MGMT: variants seen among roughly 807,000 people sequenced by gnomAD.
The protein encoded by MGMT is methylated-DNA--protein-cysteine methyltransferase.
MGMT carries 14 observed loss-of-function variants against 15.9 expected under a neutral mutation model. The observed-to-expected ratio is 0.88, with a 90% CI of 0.58 to 1.37. The LOEUF is 1.37. Among genes scored for constraint, MGMT ranks in the 40% most tolerant of loss-of-function variants. The pLI is 0.00. For synonymous variants in MGMT, 130 were observed against 118.2 expected (o/e 1.10, Z -0.65); for missense variants, 282 against 268.1 (o/e 1.05, Z -0.36).
At chr10:129,750,283 A>G (rs1181590983) in intron 3 of MGMT, among the ~76,000 whole-genome samples, 1 of 152,094 alleles carries the variant, frequency 6.6e-6, no homozygotes, top group Non-Finnish European at 1.5e-5. Flanking sequence ...TTCATTTTTG[A>G]GAAAGGTATA....
intron 1 of MGMT, among the ~76,000 whole-genome samples, chr10:129,525,025 C>CA (rs1414786725): frequency 6.6e-6 from 1 of 152,110 alleles, no homozygotes; most frequent in Non-Finnish European, 1.5e-5. Flanking sequence ...AACATTGTTC[C>CA]AAAGTGCTTT....
intron 2 of MGMT, among the ~76,000 whole-genome samples, chr10:129,639,787 A>G (rs969239137): frequency 1.3e-5 from 2 of 152,178 alleles, no homozygotes; most frequent in Non-Finnish European, 2.9e-5. Flanking sequence ...AAGTAAGAGC[A>G]AGTCAAACCC....
chr10:129,759,125 T>G (rs1848840517), intron 3 of MGMT, 77 bp from the exon 4 acceptor site: 1 of 1,553,536 alleles, frequency 6.4e-7, no homozygotes, highest in Non-Finnish European at 8.8e-7. Flanking sequence ...TTTCCTGTTT[T>G]GGGACTAGTG....
chr10:129,755,627 C>A (rs904618780), intron 3 of MGMT, among the ~76,000 whole-genome samples: 1 of 152,230 alleles, frequency 6.6e-6, no homozygotes, highest in Non-Finnish European at 1.5e-5. Context: ...AAAGGAGACT[C>A]CTCCTCAAGA....
intron 1 of MGMT, among the ~76,000 whole-genome samples, chr10:129,526,413 A>AG (rs1358102596): frequency 6.6e-6 from 1 of 152,068 alleles, no homozygotes; most frequent in Non-Finnish European, 1.5e-5. Flanking sequence ...TTCCTCCCCC[A>AG]GGTGAGCCAA....
At chr10:129,599,411 T>TG (rs1229821701) in intron 2 of MGMT, among the ~76,000 whole-genome samples, 1 of 152,244 alleles carries the variant, frequency 6.6e-6, no homozygotes, top group Non-Finnish European at 1.5e-5. Context: ...CAAATGTGCT[T>TG]GAAGTTTCAA....
intron 2 of MGMT, among the ~76,000 whole-genome samples, chr10:129,689,647 G>A (rs1847948103): frequency 6.6e-6 from 1 of 152,156 alleles, no homozygotes; most frequent in Non-Finnish European, 1.5e-5. Context: ...GGTCGATTGT[G>A]CCAGCTCTTA....
chr10:129,564,627 G>T (rs1457602913), intron 2 of MGMT, among the ~76,000 whole-genome samples: 1 of 19,892 alleles, frequency 5.0e-5, no homozygotes, highest in African/African-American at 1.5e-4. Context: ...CTCCTCCCCT[G>T]CTTCCCCTCC....
intron 1 of MGMT, among the ~76,000 whole-genome samples, chr10:129,488,433 A>G (rs868011038): frequency 6.6e-5 from 10 of 152,174 alleles, no homozygotes; most frequent in Admixed American, 3.3e-4. Flanking sequence ...ATTAACTTAT[A>G]GGATTATCTT....
chr10:129,552,989 A>G (rs1846175307), intron 2 of MGMT, among the ~76,000 whole-genome samples: 2 of 152,202 alleles, frequency 1.3e-5, no homozygotes, highest in Admixed American at 1.3e-4. Flanking sequence ...AGCAGTAAAA[A>G]CATTTTACTT....
intron 2 of MGMT, among the ~76,000 whole-genome samples, chr10:129,603,257 T>C (rs1846846256): frequency 6.6e-6 from 1 of 152,222 alleles, no homozygotes; most frequent in East Asian, 1.9e-4. Flanking sequence ...ACATTGTTTT[T>C]AGTTAATGAT....
At chr10:129,596,976 G>A (rs1212900819) in intron 2 of MGMT, among the ~76,000 whole-genome samples, 4 of 152,178 alleles carry the variant, frequency 2.6e-5, no homozygotes, top group Non-Finnish European at 1.5e-5. Context: ...AAGGGGCTTA[G>A]TGGGCTGGGG....
chr10:129,528,679 A>G (rs1487918677), intron 1 of MGMT, among the ~76,000 whole-genome samples: 1 of 152,100 alleles, frequency 6.6e-6, no homozygotes, highest in Non-Finnish European at 1.5e-5. Context: ...GTGGCCGTGG[A>G]GAGCTGCGGT....
intron 2 of MGMT, among the ~76,000 whole-genome samples, chr10:129,616,437 C>T (rs1847027569): frequency 6.6e-6 from 1 of 151,784 alleles, no homozygotes; most frequent in Admixed American, 6.6e-5. Context: ...TGCCCTGGAG[C>T]TGGAATGGTA....
intron 2 of MGMT, among the ~76,000 whole-genome samples, chr10:129,662,758 A>G (rs1024627792): frequency 6.6e-6 from 1 of 152,138 alleles, no homozygotes; most frequent in African/African-American, 2.4e-5. Context: ...ATGAAACCAT[A>G]GGGAAGCAGG....
At chr10:129,528,380 T>G (rs2027135) in intron 1 of MGMT, among the ~76,000 whole-genome samples, 151,429 of 151,920 alleles carry the variant, frequency 1, 75,472 homozygotes, top group Middle Eastern at 1. Flanking sequence ...GTGGTGTAGT[T>G]GTGCTTCTCT....
At chr10:129,712,458 GAAGT>G (rs1231832238) in intron 3 of MGMT, among the ~76,000 whole-genome samples, 2 of 152,222 alleles carry the variant, frequency 1.3e-5, no homozygotes, top group Admixed American at 6.5e-5. Context: ...CCTGCTGGTA[GAAGT>G]AAGTTTTTGT....
chr10:129,685,777 A>G (rs1387370892), intron 2 of MGMT, among the ~76,000 whole-genome samples: 2 of 152,242 alleles, frequency 1.3e-5, no homozygotes, highest in Non-Finnish European at 2.9e-5. Flanking sequence ...TTATCTCTGG[A>G]GATGGGCAGG....
At chr10:129,730,889 G>A (rs1397707482) in intron 3 of MGMT, among the ~76,000 whole-genome samples, 1 of 152,180 alleles carries the variant, frequency 6.6e-6, no homozygotes, top group Non-Finnish European at 1.5e-5. Flanking sequence ...TTTCTCTGTA[G>A]GCTTCCTTAA....
Sources: gnomAD v4.1 joint callset for allele counts (sites outside exome capture counted in the v4.1 genomes callset) on GRCh38, gnomAD v4.1.1 for gene constraint, MANE v1.5 for transcripts, NCBI Gene and HGNC (gene_info 2026-07-23, HGNC 2026-07-21) for gene names.